SEMA6A: variants seen among roughly 807,000 people sequenced by gnomAD.
The protein encoded by SEMA6A is semaphorin-6A.
SEMA6A carries 25 observed loss-of-function variants against 96.8 expected under a neutral mutation model. That is an observed-to-expected ratio of 0.26 (90% CI 0.19 to 0.36). The LOEUF (loss-of-function observed/expected upper bound fraction) is 0.36. SEMA6A is among the 10% of genes least tolerant of loss of function. SEMA6A has a pLI of 1.00. For synonymous variants in SEMA6A, 612 were observed against 518.0 expected (o/e 1.18, Z -2.46); for missense variants, 1,363 against 1,323.1 (o/e 1.03, Z -0.47).
In SEMA6A at chr5:116,475,560, G is replaced by A. The variant is rs1410309300; in HGVS notation, c.1693C>T (p.Leu565=). 6.2e-7 allele frequency: 1 copy of A among 1,603,058 alleles called. No homozygotes were observed. The highest frequency in any genetic ancestry group is 1.7e-5 in the Admixed American group (1 of 58,750). The change falls in exon 16 of 19, where the codon CTG becomes TTG. Residue 565 remains leucine, a synonymous_variant. Transcript: ENST00000343348. ...CTGTACTTACTGTGACAGTCCCCCAGACCATCTGTATTGCCACGCTCTATG... is the reference window on the plus strand; with the variant it reads ...CTGTACTTACTGTGACAGTCCCCCAAACCATCTGTATTGCCACGCTCTATG... ...QDIERGNTDG[L]GDCHNSFVAL...
intron 1 of SEMA6A, among the ~76,000 whole-genome samples, chr5:116,536,896 C>CAAAAAAAAAAAAAAA (rs1344678482): frequency 1.1e-3 from 92 of 80,044 alleles, no homozygotes; most frequent in Non-Finnish European, 1.4e-3. Flanking sequence ...AAAAAAAAAG[C>CAAAAAAAAAAAAAAA]AAAACTGGTG....
intron 1 of SEMA6A, among the ~76,000 whole-genome samples, chr5:116,545,614 C>T (rs189671222): frequency 1.6e-3 from 250 of 152,208 alleles, no homozygotes; most frequent in African/African-American, 5.8e-3. Context: ...GTGCTCTGGC[C>T]GTGTTCCATC....
intron 1 of SEMA6A, among the ~76,000 whole-genome samples, chr5:116,547,991 G>A (rs1429307889): frequency 6.6e-6 from 1 of 152,006 alleles, no homozygotes; most frequent in East Asian, 1.9e-4. Flanking sequence ...GACCTTCATG[G>A]TAGCATGGTT....
At chr5:116,501,018 A>C (rs1202395340) in intron 3 of SEMA6A, among the ~76,000 whole-genome samples, 1 of 152,202 alleles carries the variant, frequency 6.6e-6, no homozygotes, top group East Asian at 1.9e-4. Context: ...TCTCAAAAAA[A>C]AGCATAATCT....
chr5:116,480,050 A>T (rs905493762), intron 12 of SEMA6A, 72 bp downstream of exon 12: 3 of 1,539,244 alleles, frequency 1.9e-6, no homozygotes, highest in African/African-American at 1.4e-5. Context: ...TCAAAGCATG[A>T]TCCACTGATT....
intron 1 of SEMA6A, among the ~76,000 whole-genome samples, chr5:116,511,126 C>T (rs912729541): frequency 1.3e-5 from 2 of 152,182 alleles, no homozygotes; most frequent in Admixed American, 1.3e-4. Context: ...ATTCCAAAAT[C>T]TGGGGATGCT....
At chr5:116,476,057 A>T (rs771741050) in intron 15 of SEMA6A, among the ~76,000 whole-genome samples, 14 of 152,104 alleles carry the variant, frequency 9.2e-5, no homozygotes, top group Non-Finnish European at 1.6e-4. Flanking sequence ...TCTAGCCAAA[A>T]ACTTGGACGA....
Position 116,447,006 on chromosome 5 carries a change from TA to T in SEMA6A, c.2699del (p.Leu900GlnfsTer82), listed in dbSNP as rs780205941. ...AGTGGTGCATTTCCAGCCGCTTGCT[TA>T]GACCGGTCTGAGACAGGGAGGCTCC... ...PPGASLSQTG[L>X]SKRLEMHHSS... On this transcript the variant is annotated frameshift_variant, in exon 19 of 19. Coordinates refer to ENST00000343348, the MANE Select transcript of SEMA6A (RefSeq NM_020796.5). LOFTEE classifies it high-confidence loss of function. The T allele has an allele frequency of 6.2e-7, 1 of 1,613,882 alleles. No individual in the cohort carries two copies. The highest frequency in any genetic ancestry group is 2.2e-5 in the East Asian group (1 of 44,834).
intron 1 of SEMA6A, among the ~76,000 whole-genome samples, chr5:116,543,362 G>A (rs965127129): frequency 3.3e-5 from 5 of 152,256 alleles, no homozygotes; most frequent in South Asian, 2.1e-4. Context: ...ACGTTTTCAC[G>A]TTTTCCTATG....
intron 1 of SEMA6A, among the ~76,000 whole-genome samples, chr5:116,505,497 T>C (rs1406754345): frequency 6.6e-6 from 1 of 150,960 alleles, no homozygotes; most frequent in Non-Finnish European, 1.5e-5. Flanking sequence ...CTATAACTCA[T>C]CCTGTTTACT....
chr5:116,569,078 G>A (rs912212927), intron 1 of SEMA6A, among the ~76,000 whole-genome samples: 4 of 152,148 alleles, frequency 2.6e-5, no homozygotes, highest in Non-Finnish European at 5.9e-5. Context: ...CTATCCTTAT[G>A]GCATTATGTT....
At chr5:116,528,612 C>G (rs1230566551) in intron 1 of SEMA6A, among the ~76,000 whole-genome samples, 1 of 152,210 alleles carries the variant, frequency 6.6e-6, no homozygotes, top group Admixed American at 6.5e-5. Flanking sequence ...ATCCTATCTT[C>G]CTGTCTGAAA....
chr5:116,484,153 C>G lies in SEMA6A; in HGVS notation c.963-1578G>C, dbSNP rs550132462. Among the ~76,000 whole-genome samples the G allele has an allele frequency of 6.6e-5, 10 of 151,728 alleles. No individual in the cohort carries two copies. In the South Asian group the frequency reaches 1.9e-3, roughly 29 times the overall value. On this transcript the variant is annotated intron_variant, in intron 10 of 18. Transcript: ENST00000343348. The stretch of plus-strand genomic sequence containing the variant: ...ATTATTTATTTGATTTCGTAACACT[C>G]TCATCACATATTCCTTTTCGGAAAG...
At chr5:116,482,340 G>T (rs982975761) in intron 11 of SEMA6A, 104 bp downstream of exon 11, 20 of 1,249,672 alleles carry the variant, frequency 1.6e-5, no homozygotes, top group Middle Eastern at 2.4e-4. Flanking sequence ...CTGCTTGGCT[G>T]GCATGGAAGG....
At chr5:116,449,399 A>G in intron 18 of SEMA6A, 1 of 701,992 alleles carries the variant, frequency 1.4e-6, no homozygotes. Context: ...ACTGGCAGGT[A>G]TCAGTGGCAC....
intron 1 of SEMA6A, among the ~76,000 whole-genome samples, chr5:116,511,358 G>A (rs557661732): frequency 1.8e-4 from 27 of 152,290 alleles, no homozygotes; most frequent in Admixed American, 1.7e-3. Flanking sequence ...TCAGCGGTTG[G>A]TTGAATCCAC....
intron 7 of SEMA6A, among the ~76,000 whole-genome samples, chr5:116,491,195 T>C (rs980352342): frequency 6.6e-6 from 1 of 152,170 alleles, no homozygotes; most frequent in African/African-American, 2.4e-5. Flanking sequence ...CTTTTGTTTC[T>C]TTCCCTTTCT....
At chr5:116,573,393 G>C (rs901441641) in intron 1 of SEMA6A, among the ~76,000 whole-genome samples, 5 of 150,540 alleles carry the variant, frequency 3.3e-5, no homozygotes, top group Non-Finnish European at 5.9e-5. Context: ...GGTGCTTCAG[G>C]AGGGACGCAG....
intron 1 of SEMA6A, among the ~76,000 whole-genome samples, chr5:116,526,004 T>G (rs887659329): frequency 3.9e-5 from 6 of 152,004 alleles, no homozygotes; most frequent in Non-Finnish European, 7.4e-5. Context: ...AGGTTAAGAA[T>G]ATATACCAGA....
Sources: gnomAD v4.1 joint callset for allele counts (sites outside exome capture counted in the v4.1 genomes callset) on GRCh38, gnomAD v4.1.1 for gene constraint, MANE v1.5 for transcripts, NCBI Gene and HGNC (gene_info 2026-07-23, HGNC 2026-07-21) for gene names.